Variants in DYNC2H1 observed in about 807,000 individuals in gnomAD.
The protein encoded by DYNC2H1 is dynein cytoplasmic 2 heavy chain 1, also known as cytoplasmic dynein 2 heavy chain 1.
In DYNC2H1, 410 loss-of-function variants were observed where a neutral mutation model predicts 570.0. The observed-to-expected ratio is 0.72, with a 90% CI of 0.66 to 0.78. DYNC2H1 has a LOEUF of 0.78. Among genes scored for constraint, DYNC2H1 ranks in the 30% least tolerant of loss-of-function variants. DYNC2H1 has a pLI of 0.00. For synonymous variants in DYNC2H1, 1,688 were observed against 1,677.6 expected, an observed-to-expected ratio of 1.01 and a Z score of -0.15; for missense variants, 4,865 against 5,046.4, an observed-to-expected ratio of 0.96 and a Z score of 1.09.
At chr11:103,230,357 C>T (rs1863958292) in intron 59 of DYNC2H1, among the ~76,000 whole-genome samples, 1 of 152,038 alleles carries the variant, frequency 6.6e-6, no homozygotes, top group African/African-American at 2.4e-5. Flanking sequence ...TATGGACTGG[C>T]CATTTTATGG....
rs929738122 is a variant in DYNC2H1 at position 103,324,775 on chromosome 11, G to A, written c.12039+785G>A. Among the ~76,000 whole-genome samples, 1 of 152,070 alleles carries A rather than the reference G, an allele frequency of 6.6e-6. No homozygotes were observed. The highest frequency in any genetic ancestry group is 2.4e-5 in the African/African-American group (1 of 41,396). The stretch of plus-strand genomic sequence containing the variant: ...ATGGTAGTTCTGTTTTAAGTTCTTC[G>A]AGAAATCGCCAAACTATTTTCCACA... On this transcript the variant is annotated intron_variant, in intron 82 of 88. Transcript: ENST00000375735. The surrounding 1 kb of genome is among the most constrained non-coding windows in gnomAD (Gnocchi z 5.2).
intron 82 of DYNC2H1, among the ~76,000 whole-genome samples, chr11:103,333,424 AG>A (rs1349525467): frequency 6.6e-6 from 1 of 152,028 alleles, no homozygotes; most frequent in Non-Finnish European, 1.5e-5. Context: ...CCACTTCGCC[AG>A]GCTAACTTTT....
intron 82 of DYNC2H1, among the ~76,000 whole-genome samples, chr11:103,342,495 G>C (rs2135488452): frequency 1.3e-5 from 2 of 149,888 alleles, no homozygotes; most frequent in East Asian, 4.0e-4. Flanking sequence ...CTCACTCTTT[G>C]AGTCTGTGCC....
At position 103,197,937 on chromosome 11, in the gene DYNC2H1, T is replaced by C. The variant is rs1254157398; in HGVS notation, c.7713T>C (p.Ser2571=). 5 of 1,568,234 alleles carry C rather than the reference T, an allele frequency of 3.2e-6. No homozygotes were observed. Among genetic ancestry groups the C allele is most frequent in the Non-Finnish European group, 4.3e-6 (5 of 1,155,740 alleles). The change falls in exon 48 of 89, where the codon AGT becomes AGC. Residue 2571 remains serine, a synonymous_variant. Transcript: ENST00000375735. ...GSDILDNMSD[S]FYVTWGARHN... ...AAATATCATTTATTTCCACAGATAG[T>C]TTCTACGTTACATGGGGAGCTCGGC...
intron 57 of DYNC2H1, among the ~76,000 whole-genome samples, chr11:103,221,666 G>A (rs971017468): frequency 2.0e-5 from 3 of 152,036 alleles, no homozygotes; most frequent in African/African-American, 4.8e-5. Flanking sequence ...GACCAGCCTG[G>A]GCCACATGGT....
chr11:103,247,626 A>C (rs1215905943), intron 65 of DYNC2H1, among the ~76,000 whole-genome samples: 1 of 152,068 alleles, frequency 6.6e-6, no homozygotes, highest in African/African-American at 2.4e-5. Flanking sequence ...AACAACAAAT[A>C]ATTTCTCAGA....
intron 84 of DYNC2H1, among the ~76,000 whole-genome samples, chr11:103,426,936 C>G (rs10895427): frequency 6.6e-6 from 1 of 151,886 alleles, no homozygotes; most frequent in African/African-American, 2.4e-5. Context: ...TAAATAAATT[C>G]TATATAAAAA....
chr11:103,208,913 A>G (rs1248822841), intron 52 of DYNC2H1, among the ~76,000 whole-genome samples: 1 of 152,110 alleles, frequency 6.6e-6, no homozygotes, highest in East Asian at 1.9e-4. Context: ...AATGTAGGAT[A>G]TTGTTTGAGG....
chr11:103,258,761 G>A (rs1027356492), intron 69 of DYNC2H1, among the ~76,000 whole-genome samples: 2 of 152,190 alleles, frequency 1.3e-5, no homozygotes, highest in Non-Finnish European at 2.9e-5. Context: ...CATTTCTGCT[G>A]TATTGTACTG....
At chr11:103,477,374 C>G (rs1350260529) in intron 88 of DYNC2H1, among the ~76,000 whole-genome samples, 1 of 152,070 alleles carries the variant, frequency 6.6e-6, no homozygotes, top group African/African-American at 2.4e-5. Context: ...CTCTTAAGTT[C>G]CATTCCAACT....
intron 3 of DYNC2H1, 55 bp downstream of exon 3, chr11:103,114,293 A>AT: frequency 1.4e-6 from 2 of 1,438,402 alleles, no homozygotes; most frequent in African/African-American, 2.9e-5. Context: ...TCATTAATAC[A>AT]TTAGTAAATG....
At chr11:103,135,201 G>A (rs547083887) in intron 15 of DYNC2H1, among the ~76,000 whole-genome samples, 1 of 152,098 alleles carries the variant, frequency 6.6e-6, no homozygotes, top group African/African-American at 2.4e-5. Flanking sequence ...CAGTATTTGT[G>A]GTACTACATC....
intron 83 of DYNC2H1, among the ~76,000 whole-genome samples, chr11:103,375,130 T>C (rs913889952): frequency 9.9e-5 from 15 of 152,210 alleles, no homozygotes; most frequent in Admixed American, 6.5e-5. Context: ...CAGCTCAGAC[T>C]GTTGCTTCAG....
In DYNC2H1 at chr11:103,155,002, G is replaced by T. The variant is rs937176698; in HGVS notation, c.3573+193G>T. Among the ~76,000 whole-genome samples the T allele has an allele frequency of 2.0e-5, 3 of 151,936 alleles. No homozygotes were observed. The South Asian group carries it at 6.2e-4, about 31-fold the overall frequency. On this transcript the variant is annotated intron_variant, in intron 24 of 88. Coordinates refer to ENST00000375735, the MANE Select transcript of DYNC2H1 (RefSeq NM_001377.3). ...ACTACCAATGAGAAAGAAGTTATAA[G>T]AAATTTATGTTAAAGTTAAAAAACA... is the stretch of plus-strand genomic sequence containing the variant.
At position 103,257,615 on chromosome 11, in the gene DYNC2H1, A is replaced by T. The variant is rs949664961; in HGVS notation, c.10469A>T (p.Asp3490Val). The T allele has an allele frequency of 1.2e-6, 2 of 1,610,404 alleles. No homozygotes were observed. The highest frequency in any genetic ancestry group is 2.2e-5 in the East Asian group (1 of 44,748). ...KLQISLDQER[D>V]AYLPLAESAS... is the part of the protein sequence containing the mutation. ...TGATCTCTTGATCCATAGGAACGGG[A>T]TGCCTATCTCCCCCTGGCTGAGAGT... The change falls in exon 69 of 89, where the codon GAT becomes GTT. Residue 3490 changes from aspartate to valine, a missense_variant. Transcript: ENST00000375735.
intron 17 of DYNC2H1, among the ~76,000 whole-genome samples, chr11:103,140,844 A>G (rs1226575665): frequency 1.3e-5 from 2 of 152,202 alleles, no homozygotes; most frequent in Non-Finnish European, 2.9e-5. Context: ...AGGTACACCC[A>G]TCAGACGTAG....
chr11:103,265,100 C>CT (rs1220133396), intron 70 of DYNC2H1, among the ~76,000 whole-genome samples: 6 of 152,142 alleles, frequency 3.9e-5, no homozygotes, highest in Admixed American at 3.9e-4. Context: ...TCTCAGCAAA[C>CT]TAACACAGGA....
intron 13 of DYNC2H1, among the ~76,000 whole-genome samples, chr11:103,132,338 AT>A (rs938110347): frequency 2.6e-5 from 4 of 151,518 alleles, no homozygotes; most frequent in South Asian, 2.1e-4. Context: ...ATTCCACCTC[AT>A]TTTTTTTATA....
Position 103,186,442 on chromosome 11 carries a change from G to A in DYNC2H1, c.6834G>A (p.Trp2278Ter). The change falls in exon 42 of 89, where the codon TGG (tryptophan) becomes TGA (stop). Residue 2278 changes from tryptophan to a stop codon, truncating the protein, a stop_gained. Transcript: ENST00000375735. LOFTEE classifies it high-confidence loss of function. The surrounding 1 kb of genome is among the most constrained non-coding windows in gnomAD (Gnocchi z 4.5). ...GAGGTCTAGATTATTTCAAACCATG[G>A]TTAAGTTCTGATACTAAACAGCCCT... ...MQRGLDYFKP[W>*]LSSDTKQPFI... is the part of the protein sequence containing the mutation. 1 of 1,612,538 alleles carries A rather than the reference G, an allele frequency of 6.2e-7. No homozygotes were observed. Among genetic ancestry groups the A allele is most frequent in the Non-Finnish European group, 8.5e-7 (1 of 1,179,106 alleles).
Sources: gnomAD v4.1 joint callset for allele counts (sites outside exome capture counted in the v4.1 genomes callset) on GRCh38, gnomAD v4.1.1 for gene constraint, Gnocchi (gnomAD v3.1) non-coding constraint, MANE v1.5 for transcripts, NCBI Gene and HGNC (gene_info 2026-07-23, HGNC 2026-07-21) for gene names.